NRG3: variants seen among roughly 807,000 people sequenced by gnomAD.
NRG3 encodes neuregulin 3.
A neutral mutation model predicts 66.9 loss-of-function variants in NRG3; 31 were observed. That is an observed-to-expected ratio of 0.46 (90% CI 0.35 to 0.63). The LOEUF (loss-of-function observed/expected upper bound fraction) is 0.63, where lower values mean the gene tolerates loss of function less well. NRG3 is among the 20% of genes least tolerant of loss of function. The pLI, the probability that NRG3 is intolerant of heterozygous loss-of-function variation, is 0.00. For synonymous variants in NRG3, 393 were observed against 359.4 expected, an observed-to-expected ratio of 1.09 and a Z score of -1.06; for missense variants, 910 against 878.9, an observed-to-expected ratio of 1.04 and a Z score of -0.45.
At chr10:82,002,746 C>T (rs76928407) in intron 1 of NRG3, among the ~76,000 whole-genome samples, 4,120 of 152,238 alleles carry the variant, frequency 0.027, 187 homozygotes, top group East Asian at 0.19. Context: ...TCTTATTGCC[C>T]CTTTTCCACT....
At chr10:82,363,177 G>C (rs1046973704) in intron 2 of NRG3, among the ~76,000 whole-genome samples, 2 of 152,092 alleles carry the variant, frequency 1.3e-5, no homozygotes, top group African/African-American at 4.8e-5. Context: ...AAGCTCAATA[G>C]GGAAATTGAC....
At chr10:82,449,806 C>T (rs1276323793) in intron 2 of NRG3, among the ~76,000 whole-genome samples, 1 of 152,136 alleles carries the variant, frequency 6.6e-6, no homozygotes, top group African/African-American at 2.4e-5. Flanking sequence ...TTTGAGCAAC[C>T]TGTCTGTATC....
intron 2 of NRG3, among the ~76,000 whole-genome samples, chr10:82,395,827 A>C (rs1589974778): frequency 6.6e-6 from 1 of 152,354 alleles, no homozygotes; most frequent in East Asian, 1.9e-4. Context: ...TTTAATAATA[A>C]ATAGGAGAAA....
At chr10:82,500,095 C>G (rs1231590504) in intron 2 of NRG3, among the ~76,000 whole-genome samples, 1 of 152,026 alleles carries the variant, frequency 6.6e-6, no homozygotes, top group Non-Finnish European at 1.5e-5. Context: ...GCAGTGAGGA[C>G]ATATTGAAAA....
chr10:82,921,909 GA>G (rs1029795982), intron 4 of NRG3, among the ~76,000 whole-genome samples: 4 of 152,074 alleles, frequency 2.6e-5, no homozygotes, highest in African/African-American at 9.7e-5. Flanking sequence ...ATGATCAAAT[GA>G]TCTGGAAAGT....
At position 82,214,491 on chromosome 10, in the gene NRG3, G is replaced by T. The variant is rs927018222; in HGVS notation, c.824-144248G>T. Among the ~76,000 whole-genome samples, 8 of 152,044 alleles carry T rather than the reference G, an allele frequency of 5.3e-5. No homozygotes were observed. In the East Asian group the frequency reaches 1.4e-3, roughly 26 times the overall value. On this transcript the variant is annotated intron_variant, in intron 1 of 8. Transcript: ENST00000372141. ...TCCACCCCCCGCCCTTGGAGACAAG[G>T]TCTCACTCCATCATTTAGGCCGGAA...
chr10:82,132,882 T>G (rs1254086935), intron 1 of NRG3, among the ~76,000 whole-genome samples: 9 of 152,066 alleles, frequency 5.9e-5, no homozygotes, highest in Middle Eastern at 3.4e-3. Flanking sequence ...TATTAATCTC[T>G]AATTATTCTT....
At chr10:82,308,280 G>T (rs1394097124) in intron 1 of NRG3, among the ~76,000 whole-genome samples, 2 of 151,996 alleles carry the variant, frequency 1.3e-5, no homozygotes, top group African/African-American at 2.4e-5. Flanking sequence ...TAAGAGGCAG[G>T]GTTCCACCAT....
intron 2 of NRG3, among the ~76,000 whole-genome samples, chr10:82,440,073 G>A (rs2090352251): frequency 6.6e-6 from 1 of 151,750 alleles, no homozygotes; most frequent in Non-Finnish European, 1.5e-5. Flanking sequence ...AAGCCATGTG[G>A]GCATTAGGAC....
At position 82,973,795 on chromosome 10, in the gene NRG3, A is replaced by G. The variant is rs1257711975; in HGVS notation, c.1292A>G (p.Lys431Arg). Residue 431 changes from lysine (K) to arginine (R), a missense_variant, in exon 7 of 9, where the codon AAG becomes AGG. Physicochemically the swap from Lys to Arg is conservative, Grantham distance 26 (BLOSUM62 2). Coordinates refer to ENST00000372141, the MANE Select transcript of NRG3 (RefSeq NM_001010848.4). ...KSHVQLQNYS[K>R]VERHPVTALE... is the part of the protein sequence containing the mutation. ...ACGTGTGATTTCCCACAGTATTCAAAGGTGGAAAGGCATCCTGTGACTGCA... is the reference window on the plus strand; with the variant it reads ...ACGTGTGATTTCCCACAGTATTCAAGGGTGGAAAGGCATCCTGTGACTGCA... The G allele has an allele frequency of 6.2e-7, 1 of 1,613,890 alleles. No individual in the cohort carries two copies. Among genetic ancestry groups the G allele is most frequent in the African/African-American group, 1.3e-5 (1 of 74,904 alleles).
At chr10:81,938,504 GT>G (rs1461527179) in intron 1 of NRG3, among the ~76,000 whole-genome samples, 1 of 150,948 alleles carries the variant, frequency 6.6e-6, no homozygotes, top group Non-Finnish European at 1.5e-5. Flanking sequence ...AAATGGAATT[GT>G]TTTCTTAATT....
Position 81,875,314 on chromosome 10 carries a change from G to A in NRG3, c.-27G>A, listed in dbSNP as rs969530283. 9.1e-6 allele frequency: 9 copies of A among 984,546 alleles called. No individual in the cohort carries two copies. The highest frequency in any genetic ancestry group is 1.1e-5 in the Non-Finnish European group (9 of 830,676). The allele number at this position is 984,546 out of a possible 1,614,324, so 61.0% of individuals were successfully genotyped here. A position where few individuals can be genotyped will look rare whatever the true frequency, so the allele number is the denominator to read the frequency against. On this transcript the variant is annotated 5_prime_UTR_variant, in exon 1 of 9. Coordinates refer to ENST00000372141, the MANE Select transcript of NRG3 (RefSeq NM_001010848.4). The surrounding 1 kb of genome is among the most constrained non-coding windows in gnomAD (Gnocchi z 5.3). ...CATGCCTCTGCCGCGGCCCTCGGGG[G>A]GGCGAAGGTGAAGACCGGCTCCTAG... is the stretch of plus-strand genomic sequence containing the variant.
At chr10:82,509,348 A>G (rs1219322663) in intron 2 of NRG3, among the ~76,000 whole-genome samples, 1 of 152,238 alleles carries the variant, frequency 6.6e-6, no homozygotes, top group East Asian at 1.9e-4. Flanking sequence ...GTGTTGACTT[A>G]GAGCATATTT....
At chr10:82,371,726 G>A (rs1040161627) in intron 2 of NRG3, among the ~76,000 whole-genome samples, 1 of 152,184 alleles carries the variant, frequency 6.6e-6, no homozygotes, top group Non-Finnish European at 1.5e-5. Context: ...TCTGCATTTG[G>A]TGAAGGTCTC....
chr10:82,538,479 C>A (rs2043311948), intron 2 of NRG3, among the ~76,000 whole-genome samples: 1 of 152,056 alleles, frequency 6.6e-6, no homozygotes, highest in Non-Finnish European at 1.5e-5. Flanking sequence ...AATATCTTAC[C>A]ATGATATAAT....
At chr10:82,367,699 T>C (rs2135706770) in intron 2 of NRG3, among the ~76,000 whole-genome samples, 1 of 152,236 alleles carries the variant, frequency 6.6e-6, no homozygotes, top group East Asian at 1.9e-4. Context: ...AGCAGACAAA[T>C]TATACATATT....
chr10:82,556,591 T>G (rs539673730), intron 2 of NRG3, among the ~76,000 whole-genome samples: 2 of 152,302 alleles, frequency 1.3e-5, no homozygotes, highest in East Asian at 3.9e-4. Flanking sequence ...CTGGTTTGTC[T>G]GGTGAGAATG....
chr10:82,798,584 A>G (rs1565326944), intron 3 of NRG3, among the ~76,000 whole-genome samples: 1 of 152,200 alleles, frequency 6.6e-6, no homozygotes, highest in African/African-American at 2.4e-5. Context: ...AAACACCCCA[A>G]AGGAAAAAAG....
chr10:82,844,165 G>C (rs1264081463), intron 3 of NRG3, among the ~76,000 whole-genome samples: 1 of 152,174 alleles, frequency 6.6e-6, no homozygotes, highest in African/African-American at 2.4e-5. Context: ...AAGAAAGCTA[G>C]CTAGCTAATA....
Sources: gnomAD v4.1 joint callset for allele counts (sites outside exome capture counted in the v4.1 genomes callset) on GRCh38, gnomAD v4.1.1 for gene constraint, Gnocchi (gnomAD v3.1) non-coding constraint, MANE v1.5 for transcripts, NCBI Gene and HGNC (gene_info 2026-07-23, HGNC 2026-07-21) for gene names.